The following SYNE3 variants were observed in gnomAD, a reference collection of about 807,000 sequenced individuals.
SYNE3 encodes nesprin-3.
In SYNE3, 100 loss-of-function variants were observed where a neutral mutation model predicts 111.2. That is an observed-to-expected ratio of 0.90 (90% CI 0.77 to 1.06). The LOEUF is 1.06. SYNE3 is among the 50% of genes least tolerant of loss of function. The pLI, the probability that SYNE3 is intolerant of heterozygous loss-of-function variation, is 0.00. For missense variants in SYNE3, 1,160 were observed against 1,240.3 expected, an observed-to-expected ratio of 0.94 and a Z score of 0.97; for synonymous variants, 547 against 533.9, an observed-to-expected ratio of 1.02 and a Z score of -0.34.
chr14:95,467,867 C>G lies in SYNE3; in HGVS notation c.245G>C (p.Gly82Ala). 6.2e-7 allele frequency: 1 copy of G among 1,614,216 alleles called. No homozygotes were observed. Among genetic ancestry groups the G allele is most frequent in the Non-Finnish European group, 8.5e-7 (1 of 1,180,036 alleles). The change falls in exon 3 of 18, where the codon GGG becomes GCG. Residue 82 changes from glycine to alanine, a missense_variant. Gly to Ala is a moderately conservative substitution (Grantham distance 60). Transcript: ENST00000682763. ...GATGTCCTTCAGCCGGGCCAGGATC[C>G]CGGGCTTCTGGTCCCCAGGGCAGCA... ...LACCPGDQKP[G>A]ILARLKDIKA...
rs754544381 is a variant in SYNE3, at chr14:95,467,823, T to C, written c.289A>G (p.Thr97Ala). Reference sequence around the variant, plus strand: ...TGACAGTGAGTCATGTAGGTGACTGTCTCCTCCCATTGGGCCTTGATGTCC... The same window carrying C: ...TGACAGTGAGTCATGTAGGTGACTGCCTCCTCCCATTGGGCCTTGATGTCC... ...LKDIKAQWEE[T>A]VTYMTHCHSR... Residue 97 changes from threonine to alanine, a missense_variant, in exon 3 of 18, where the codon ACA becomes GCA. Physicochemically the swap from Thr to Ala is moderately conservative, Grantham distance 58. Transcript: ENST00000682763. 14 of 1,614,198 alleles carry C rather than the reference T, an allele frequency of 8.7e-6. No homozygotes were observed. Among genetic ancestry groups the C allele is most frequent in the Non-Finnish European group, 1.0e-5 (12 of 1,180,040 alleles).
chr14:95,418,030 C>A lies in SYNE3; in HGVS notation c.2728-4G>T. 1 of 1,607,512 alleles carries A rather than the reference C, an allele frequency of 6.2e-7. No homozygotes were observed. The highest frequency in any genetic ancestry group is 1.7e-5 in the Admixed American group (1 of 59,984). On this transcript the variant is annotated splice_polypyrimidine_tract_variant and splice_region_variant and intron_variant, in intron 17 of 17. Coordinates refer to ENST00000682763, the MANE Select transcript of SYNE3 (RefSeq NM_152592.6). The stretch of plus-strand genomic sequence containing the variant: ...CCAGTCCTCGCCACCGCCGAGTCTG[C>A]GGAACCAACACAGCACAGGTGAGTG...
Position 95,417,728 on chromosome 14 carries a change from C to T in SYNE3, c.*98G>A. 1 of 1,311,112 alleles carries T rather than the reference C, an allele frequency of 7.6e-7. No homozygotes were observed. Among genetic ancestry groups the T allele is most frequent in the African/African-American group, 1.4e-5 (1 of 69,082 alleles). 81.2% of individuals were successfully genotyped at this position (1,311,112 alleles called of 1,614,324 possible). A position where few individuals can be genotyped will look rare whatever the true frequency, so the allele number is the denominator to read the frequency against. On this transcript the variant is annotated 3_prime_UTR_variant, in exon 18 of 18. Coordinates refer to ENST00000682763, the MANE Select transcript of SYNE3 (RefSeq NM_152592.6). ...TATGGATGCAGCTCTGCAGTCTTTGCCCTGCCCCTGTTTCCAGTTTCCCTG... is the reference window on the plus strand; with the variant it reads ...TATGGATGCAGCTCTGCAGTCTTTGTCCTGCCCCTGTTTCCAGTTTCCCTG...
intron 17 of SYNE3, among the ~76,000 whole-genome samples, chr14:95,431,307 A>AG (rs1391019057): frequency 6.6e-6 from 1 of 152,162 alleles, no homozygotes; most frequent in African/African-American, 2.4e-5. Flanking sequence ...GAGACCACTG[A>AG]GGGGCTGAGG....
In SYNE3 at chr14:95,450,077, T is replaced by G. The variant is rs1886978899; in HGVS notation, c.1303A>C (p.Asn435His). 1 of 1,575,162 alleles carries G rather than the reference T, an allele frequency of 6.3e-7. No homozygotes were observed. Among genetic ancestry groups the G allele is most frequent in the Non-Finnish European group, 8.6e-7 (1 of 1,160,096 alleles). The change falls in exon 8 of 18, where the codon AAT becomes CAT. Residue 435 changes from asparagine (N) to histidine (H), a missense_variant. Transcript: ENST00000682763. ...SLKVKSARLR[N>H]AAAVELWQHF... Reference sequence around the variant, plus strand: ...TGCCACAGCTCCACCGCCGCGGCATTGCGCAGCCTCGCGCTCTTCACCTTC... The same window carrying G: ...TGCCACAGCTCCACCGCCGCGGCATGGCGCAGCCTCGCGCTCTTCACCTTC...
chr14:95,408,716 C>G lies in SYNE3; in HGVS notation c.*9110G>C, dbSNP rs1452464245. On this transcript the variant is annotated 3_prime_UTR_variant, in exon 18 of 18. Coordinates refer to ENST00000682763, the MANE Select transcript of SYNE3 (RefSeq NM_152592.6). Reference sequence around the variant, plus strand: ...TGCATCCCTCCCACCCTGCCCACCCCTTCACATGCACACACAGCTTCCTCT... The same window carrying G: ...TGCATCCCTCCCACCCTGCCCACCCGTTCACATGCACACACAGCTTCCTCT... The G allele has an allele frequency of 5.2e-6, 1 of 192,610 alleles. No homozygotes were observed. Among genetic ancestry groups the G allele is most frequent in the Admixed American group, 5.6e-5 (1 of 17,938 alleles). The allele number at this position is 192,610 out of a possible 1,614,324, so 11.9% of individuals were successfully genotyped here. A position where few individuals can be genotyped will look rare whatever the true frequency, so the allele number is the denominator to read the frequency against.
intron 2 of SYNE3, among the ~76,000 whole-genome samples, chr14:95,473,206 C>T (rs956176072): frequency 1.3e-5 from 2 of 152,088 alleles, no homozygotes; most frequent in African/African-American, 4.8e-5. Flanking sequence ...CTCCCCTCTG[C>T]CTGGACTCCC....
chr14:95,477,137 CTA>C, intron 1 of SYNE3, among the ~76,000 whole-genome samples: 1 of 152,366 alleles, frequency 6.6e-6, no homozygotes, highest in South Asian at 2.1e-4. Flanking sequence ...TGGCTCATGC[CTA>C]TAATTCCAGA....
At chr14:95,492,309 C>A (rs1595253460) in intron 1 of SYNE3, among the ~76,000 whole-genome samples, 1 of 152,192 alleles carries the variant, frequency 6.6e-6, no homozygotes, top group Non-Finnish European at 1.5e-5. Context: ...TATGTCCACA[C>A]AAAAACTTGT....
intron 17 of SYNE3, among the ~76,000 whole-genome samples, chr14:95,422,574 C>T (rs1382962263): frequency 6.6e-6 from 1 of 152,208 alleles, no homozygotes; most frequent in Non-Finnish European, 1.5e-5. Context: ...TGTGCTCTGA[C>T]CTGGGGCCTG....
In SYNE3 at chr14:95,457,290, G is replaced by C. The variant is rs1477284050; in HGVS notation, c.676C>G (p.Gln226Glu). ...EQVAREHEEY[Q>E]AGVDEFQLWL... The stretch of plus-strand genomic sequence containing the variant: ...AGTTGGAACTCGTCCACACCTGCCT[G>C]GTACTCCTCATGCTCCCGGGCCACC... Residue 226 changes from glutamine to glutamate, a missense_variant, in exon 5 of 18, where the codon CAG (glutamine) becomes GAG (glutamate). Gln to Glu is a conservative substitution (Grantham distance 29). Transcript: ENST00000682763. 1.9e-6 allele frequency: 3 copies of C among 1,613,954 alleles called. No homozygotes were observed. The highest frequency in any genetic ancestry group is 1.3e-5 in the African/African-American group (1 of 74,894).
At chr14:95,421,057 T>C (rs552757628) in intron 17 of SYNE3, among the ~76,000 whole-genome samples, 48 of 152,336 alleles carry the variant, frequency 3.2e-4, no homozygotes, top group Admixed American at 5.9e-4. Flanking sequence ...TTCTCTCTTG[T>C]CTGCTGCCAT....
At chr14:95,498,259 T>G (rs951202493) in intron 1 of SYNE3, among the ~76,000 whole-genome samples, 3 of 152,168 alleles carry the variant, frequency 2.0e-5, no homozygotes, top group Non-Finnish European at 4.4e-5. Flanking sequence ...GGCATAATCT[T>G]GGCTCACTAC....
chr14:95,446,777 T>G (rs1322962258), intron 8 of SYNE3, among the ~76,000 whole-genome samples: 1 of 152,116 alleles, frequency 6.6e-6, no homozygotes, highest in Non-Finnish European at 1.5e-5. Flanking sequence ...TAGCCCGAAC[T>G]CTGCGCAGCC....
In SYNE3 at chr14:95,439,998, C is replaced by T. The variant is rs1254518764; in HGVS notation, c.1989G>A (p.Trp663Ter). The change falls in exon 12 of 18, where the codon TGG (tryptophan) becomes TGA (stop). Residue 663 changes from tryptophan (W) to a stop codon, truncating the protein, a stop_gained. Transcript: ENST00000682763. LOFTEE classifies it high-confidence loss of function. ...FSHQLLELRQ[W>*]IVVTTQKLEA... The stretch of plus-strand genomic sequence containing the variant: ...CCAGCTTTTGCGTGGTCACAACGAT[C>T]CACTGCCGCAGCTCCAGCAGCTGGT... 2 of 1,613,456 alleles carry T rather than the reference C, an allele frequency of 1.2e-6. No individual in the cohort carries two copies. The highest frequency in any genetic ancestry group is 1.7e-6 in the Non-Finnish European group (2 of 1,180,038).
At chr14:95,455,314 G>T in intron 6 of SYNE3, 63 bp downstream of exon 6, 5 of 1,333,392 alleles carry the variant, frequency 3.7e-6, no homozygotes, top group Admixed American at 2.8e-5. Flanking sequence ...GAGGAGGTCT[G>T]AGTGCCAGGA....
Position 95,439,041 on chromosome 14 carries a change from G to A in SYNE3, c.2368C>T (p.Arg790Cys), listed in dbSNP as rs554951423. The change falls in exon 14 of 18, where the codon CGT becomes TGT. Residue 790 changes from arginine (R) to cysteine (C), a missense_variant. By Grantham distance (180) the Arg-to-Cys change is radical. Coordinates refer to ENST00000682763, the MANE Select transcript of SYNE3 (RefSeq NM_152592.6). The part of the protein sequence containing the change: ...INPMDPIPRH[R>C]RRANLLQEEE... Reference sequence around the variant, plus strand: ...CTGCTAGACAGACTCACGCGTCGACGATGCCTGGGAATAGGATCCATGGGA... The same window carrying A: ...CTGCTAGACAGACTCACGCGTCGACAATGCCTGGGAATAGGATCCATGGGA... 7 of 1,614,196 alleles carry A rather than the reference G, an allele frequency of 4.3e-6. No homozygotes were observed. The highest frequency in any genetic ancestry group is 1.7e-5 in the Admixed American group (1 of 60,034).
intron 16 of SYNE3, among the ~76,000 whole-genome samples, chr14:95,432,435 C>T (rs1325869822): frequency 1.3e-5 from 2 of 152,118 alleles, no homozygotes; most frequent in African/African-American, 2.4e-5. Flanking sequence ...CTGGGGCGCC[C>T]AGCTTGGGGC....
At chr14:95,449,392 G>A (rs1008388830) in intron 8 of SYNE3, 1 of 979,928 alleles carries the variant, frequency 1.0e-6, no homozygotes, top group Non-Finnish European at 1.2e-6. Flanking sequence ...GAGGTGGAGA[G>A]AGCCCTGTGC....
Sources: gnomAD v4.1 joint callset for allele counts (sites outside exome capture counted in the v4.1 genomes callset) on GRCh38, gnomAD v4.1.1 for gene constraint, MANE v1.5 for transcripts, NCBI Gene and HGNC (gene_info 2026-07-23, HGNC 2026-07-21) for gene names.